Variants in STIL observed in about 807,000 individuals in gnomAD.
STIL encodes the protein STIL centriolar assembly protein, also known as SCL-interrupting locus protein.
Under a neutral mutation model 110.1 loss-of-function variants are expected in STIL, and 55 were observed. The observed-to-expected ratio is 0.50, with a 90% confidence interval of 0.40 to 0.63. The LOEUF (loss-of-function observed/expected upper bound fraction) is 0.63, where lower values mean the gene tolerates loss of function less well. Among genes scored for constraint, STIL ranks in the 20% least tolerant of loss-of-function variants. The probability of loss-of-function intolerance (pLI) is 0.00; values close to 1 mark genes in which losing one functional copy is unlikely to be tolerated. For synonymous variants in STIL, 481 were observed against 530.0 expected (o/e 0.91, Z 1.27); for missense variants, 1,358 against 1,530.0 (o/e 0.89, Z 1.87).
rs552881576 is a variant in STIL at position 47,310,502 on chromosome 1, T to C, written c.-43-140A>G. 1.6e-5 allele frequency: 9 copies of C among 558,248 alleles called. No individual in the cohort carries two copies. In the East Asian group the frequency reaches 2.5e-4, roughly 15 times the overall value. The allele number at this position is 558,248 out of a possible 1,614,324, so 34.6% of individuals were successfully genotyped here. ...ATAGATTAATAAGATTAAATGCTTG[T>C]AGATTCTGCCAATCATTTTCATACG... On this transcript the variant is annotated intron_variant, in intron 1 of 16. Coordinates refer to ENST00000371877, the MANE Select transcript of STIL (RefSeq NM_001048166.1).
At chr1:47,304,390 A>G (rs958950023) in intron 3 of STIL, among the ~76,000 whole-genome samples, 1 of 151,168 alleles carries the variant, frequency 6.6e-6, no homozygotes, top group Non-Finnish European at 1.5e-5. Flanking sequence ...AGCTAGGCTG[A>G]CTCAAGGCTC....
At chr1:47,294,134 G>T (rs1267473102) in intron 7 of STIL, among the ~76,000 whole-genome samples, 1 of 152,084 alleles carries the variant, frequency 6.6e-6, no homozygotes, top group African/African-American at 2.4e-5. Context: ...CCCTTACATG[G>T]GTTCCCTTCC....
chr1:47,267,209 A>C (rs923776050), intron 14 of STIL, among the ~76,000 whole-genome samples: 1 of 151,970 alleles, frequency 6.6e-6, no homozygotes, highest in Non-Finnish European at 1.5e-5. Context: ...TCCCAGTTAC[A>C]CTCCACTTGA....
In STIL at chr1:47,251,743, T is replaced by G; in HGVS notation, c.3260A>C (p.Asn1087Thr). Residue 1087 changes from asparagine (N) to threonine (T), a missense_variant, in exon 17 of 17, where the codon AAC becomes ACC. Transcript: ENST00000371877. The part of the protein sequence containing the change: ...QLSQLSVTRS[N>T]QNNCDPFSLL... ...GCTGAATGGGTCACAATTATTTTGG[T>G]TCGATCGAGTGACAGACAGTTGTGA... The G allele has an allele frequency of 6.2e-7, 1 of 1,614,150 alleles. No individual in the cohort carries two copies. Among genetic ancestry groups the G allele is most frequent in the Non-Finnish European group, 8.5e-7 (1 of 1,180,022 alleles).
At chr1:47,285,563 T>C (rs1481629651) in intron 10 of STIL, among the ~76,000 whole-genome samples, 1 of 152,148 alleles carries the variant, frequency 6.6e-6, no homozygotes, top group Non-Finnish European at 1.5e-5. Context: ...GTTCAAGTGA[T>C]TCTCTTGCTT....
intron 8 of STIL, among the ~76,000 whole-genome samples, chr1:47,292,299 G>A (rs11211507): frequency 0.078 from 11,861 of 152,022 alleles, 1,498 homozygotes; most frequent in African/African-American, 0.27. Flanking sequence ...AGGCACTCTC[G>A]TGTACTGCTG....
intron 8 of STIL, among the ~76,000 whole-genome samples, chr1:47,291,360 C>CA (rs1466379573): frequency 2.0e-5 from 3 of 147,670 alleles, no homozygotes; most frequent in Admixed American, 1.4e-4. Flanking sequence ...GACTCCATCT[C>CA]AAAAAAAATA....
At chr1:47,259,893 G>A (rs537399582) in intron 16 of STIL, among the ~76,000 whole-genome samples, 62 of 152,272 alleles carry the variant, frequency 4.1e-4, no homozygotes, top group Admixed American at 2.0e-3. Flanking sequence ...TAGATGGCAC[G>A]ACTGTGTAAC....
At position 47,269,668 on chromosome 1, in the gene STIL, T is replaced by G; in HGVS notation, c.2582A>C (p.Glu861Ala). 1 of 1,614,164 alleles carries G rather than the reference T, an allele frequency of 6.2e-7. No individual in the cohort carries two copies. Among genetic ancestry groups the G allele is most frequent in the South Asian group, 1.1e-5 (1 of 91,088 alleles). ...PSFEESNIAV[E>A]EEFNQPLSVS... ...AGAAAGTGGCTGGTTAAATTCTTCT[T>G]CCACAGCAATGTTGCTCTCTTCAAA... The change falls in exon 14 of 17, where the codon GAA becomes GCA. Residue 861 changes from glutamate to alanine, a missense_variant. Coordinates refer to ENST00000371877, the MANE Select transcript of STIL (RefSeq NM_001048166.1).
At chr1:47,254,446 G>C (rs1369019529) in intron 16 of STIL, among the ~76,000 whole-genome samples, 3 of 151,910 alleles carry the variant, frequency 2.0e-5, no homozygotes, top group Non-Finnish European at 4.4e-5. Flanking sequence ...TATAGATAAT[G>C]TTAATGTAAA....
At chr1:47,265,340 A>C (rs1644617110) in intron 14 of STIL, among the ~76,000 whole-genome samples, 1 of 151,890 alleles carries the variant, frequency 6.6e-6, no homozygotes. Context: ...TACAGAGTTA[A>C]GGAGAATAAA....
In STIL at chr1:47,310,263, T is replaced by C. The variant is rs769143586; in HGVS notation, c.44+13A>G. 3 of 1,610,518 alleles carry C rather than the reference T, an allele frequency of 1.9e-6. No individual in the cohort carries two copies. Among genetic ancestry groups the C allele is most frequent in the East Asian group, 2.2e-5 (1 of 44,790 alleles). On this transcript the variant is annotated intron_variant, in intron 2 of 16. Transcript: ENST00000371877. ...AAGCTGTAAGACAAATATTTGTAAATATACTTCTATACCTGGTATTCATCT... is the reference window on the plus strand; with the variant it reads ...AAGCTGTAAGACAAATATTTGTAAACATACTTCTATACCTGGTATTCATCT...
Position 47,293,476 on chromosome 1 carries a change from T to C in STIL, c.854A>G (p.Asn285Ser), listed in dbSNP as rs1645553111. ...VWACCLRYIFNSSVQERVFSE... is the reference protein window; with the variant it reads ...VWACCLRYIFSSSVQERVFSE... ...CACTTGCCTTTCTTGAACAGAAGAA[T>C]TGAATATGTATCGCAAACAGCAAGC... The change falls in exon 8 of 17, where the codon AAT (asparagine) becomes AGT (serine). Residue 285 changes from asparagine (N) to serine (S), a missense_variant. Asn to Ser is a conservative substitution (Grantham distance 46, BLOSUM62 1). Coordinates refer to ENST00000371877, the MANE Select transcript of STIL (RefSeq NM_001048166.1). The C allele has an allele frequency of 1.2e-6, 2 of 1,613,086 alleles. No individual in the cohort carries two copies. The highest frequency in any genetic ancestry group is 1.7e-5 in the Admixed American group (1 of 59,970).
At chr1:47,266,244 T>A (rs1644650913) in intron 14 of STIL, among the ~76,000 whole-genome samples, 2 of 152,248 alleles carry the variant, frequency 1.3e-5, no homozygotes, top group African/African-American at 4.8e-5. Flanking sequence ...TGAAGGGACA[T>A]GTTTATTGTC....
chr1:47,287,570 T>C lies in STIL; in HGVS notation c.1114A>G (p.Lys372Glu), dbSNP rs1645340800. 3.7e-6 allele frequency: 6 copies of C among 1,611,364 alleles called. No homozygotes were observed. The East Asian group carries it at 1.1e-4, about 30-fold the overall frequency. ...TTTTACCTCTTAATTGAAAAATTCT[T>C]GGAAGCCTTACTGAAAAACTCTGTT... ...AETEFFSKAS[K>E]NFSIKRSSQK... The change falls in exon 10 of 17, where the codon AAG (lysine) becomes GAG (glutamate). Residue 372 changes from lysine (K) to glutamate (E), a missense_variant. Lys to Glu is a moderately conservative substitution (Grantham distance 56). Transcript: ENST00000371877.
intron 7 of STIL, 43 bp from the exon 8 acceptor site, chr1:47,293,587 T>C (rs532379671): frequency 1.4e-6 from 2 of 1,456,422 alleles, no homozygotes; most frequent in African/African-American, 2.8e-5. Context: ...GTCACTTACA[T>C]ATATAGCATA....
chr1:47,283,860 T>C (rs1304737905), intron 10 of STIL: 1 of 142,366 alleles, frequency 7.0e-6, no homozygotes, highest in Non-Finnish European at 1.5e-5. Context: ...ACAAAACCGT[T>C]GACACTGAGC....
At chr1:47,269,426 T>G (rs1644754563) in intron 14 of STIL, among the ~76,000 whole-genome samples, 2 of 152,236 alleles carry the variant, frequency 1.3e-5, no homozygotes, top group Admixed American at 6.5e-5. Flanking sequence ...ATTGTATATT[T>G]CAAAATTGCT....
At position 47,281,072 on chromosome 1, in the gene STIL, C is replaced by G; in HGVS notation, c.1386G>C (p.Leu462Phe). Residue 462 changes from leucine to phenylalanine, a missense_variant, in exon 12 of 17, where the codon TTG becomes TTC. Leu to Phe is a conservative substitution (Grantham distance 22). Coordinates refer to ENST00000371877, the MANE Select transcript of STIL (RefSeq NM_001048166.1). Reference sequence around the variant, plus strand: ...CATAAAGCTGGGGTTGCAATGGCTTCAAGTGTTCCAAGTGGTTAATCAAAG... The same window carrying G: ...CATAAAGCTGGGGTTGCAATGGCTTGAAGTGTTCCAAGTGGTTAATCAAAG... ...NPPLINHLEH[L>F]KPLQPQLYDE... 6.2e-7 allele frequency: 1 copy of G among 1,614,078 alleles called. No individual in the cohort carries two copies. Among genetic ancestry groups the G allele is most frequent in the Non-Finnish European group, 8.5e-7 (1 of 1,180,026 alleles).
Sources: allele counts gnomAD v4.1 joint callset (sites outside exome capture counted in the v4.1 genomes callset), GRCh38; gene constraint gnomAD v4.1.1; transcripts MANE v1.5; gene names NCBI Gene and HGNC (gene_info 2026-07-23, HGNC 2026-07-21).